The following IFT80 variants were observed in gnomAD, a reference collection of about 807,000 sequenced individuals.
The protein encoded by IFT80 is intraflagellar transport 80, also known as intraflagellar transport protein 80 homolog.
In IFT80, 79 loss-of-function variants were observed where a neutral mutation model predicts 107.9. The ratio of observed to expected loss-of-function variants is 0.73; its 90% CI spans 0.61 to 0.88. The LOEUF (loss-of-function observed/expected upper bound fraction) is 0.88. IFT80 is among the 40% of genes least tolerant of loss of function. The probability of loss-of-function intolerance (pLI) is 0.00; values close to 1 mark genes in which losing one functional copy is unlikely to be tolerated. For missense variants in IFT80, 797 were observed against 914.2 expected (o/e 0.87, Z 1.65); for synonymous variants, 299 against 300.9 (o/e 0.99, Z 0.07).
At position 160,314,115 on chromosome 3, in the gene IFT80, A is replaced by G. The variant is rs144132861; in HGVS notation, c.957+5645T>C. ...TATAATCATAATCATAGCAATAGCT[A>G]TCATTTTTGTTTTACATATATTATC... is the stretch of plus-strand genomic sequence containing the variant. On this transcript the variant is annotated intron_variant, in intron 9 of 19. Transcript: ENST00000326448. 2.6e-5 allele frequency among the ~76,000 whole-genome samples: 4 copies of G among 152,298 alleles called. No homozygotes were observed. The East Asian group carries it at 7.7e-4, about 29-fold the overall frequency.
At chr3:160,344,181 G>A (rs1472067128) in intron 8 of IFT80, among the ~76,000 whole-genome samples, 2 of 151,996 alleles carry the variant, frequency 1.3e-5, no homozygotes, top group South Asian at 2.1e-4. Flanking sequence ...CATTTCTGGG[G>A]GTATGTACCC....
At chr3:160,374,869 C>G (rs1202312435) in intron 5 of IFT80, among the ~76,000 whole-genome samples, 1 of 152,162 alleles carries the variant, frequency 6.6e-6, no homozygotes, top group Non-Finnish European at 1.5e-5. Flanking sequence ...ATTTTCTACT[C>G]ATGAATAAAT....
chr3:160,264,599 C>CTT (rs567273435), intron 19 of IFT80, among the ~76,000 whole-genome samples: 4 of 125,274 alleles, frequency 3.2e-5, no homozygotes, highest in Non-Finnish European at 5.1e-5. Flanking sequence ...GTCCAGCTAA[C>CTT]TTTTTTTTTT....
At chr3:160,299,033 A>C in intron 12 of IFT80, 2 of 726,936 alleles carry the variant, frequency 2.8e-6, no homozygotes, top group Non-Finnish European at 3.4e-6. Context: ...GCTTTTATCT[A>C]AAATATGTGG....
chr3:160,273,763 G>GTA (rs958011798), intron 18 of IFT80, among the ~76,000 whole-genome samples: 7 of 152,140 alleles, frequency 4.6e-5, no homozygotes, highest in African/African-American at 1.7e-4. Context: ...AGTCTTAAGT[G>GTA]TATAGATAGT....
chr3:160,338,284 T>C (rs569139365), intron 8 of IFT80, among the ~76,000 whole-genome samples: 15 of 152,258 alleles, frequency 9.9e-5, no homozygotes, highest in African/African-American at 3.6e-4. Flanking sequence ...CTTTCCCCCA[T>C]TGGCCTGGCA....
intron 12 of IFT80, among the ~76,000 whole-genome samples, chr3:160,294,043 A>T (rs971007236): frequency 6.6e-6 from 1 of 152,144 alleles, no homozygotes; most frequent in Non-Finnish European, 1.5e-5. Context: ...TCATAAATAC[A>T]GTGCTTTCCT....
intron 6 of IFT80, among the ~76,000 whole-genome samples, chr3:160,365,264 A>T (rs146285367): frequency 4.9e-4 from 75 of 152,210 alleles, no homozygotes; most frequent in Non-Finnish European, 7.4e-4. Context: ...TTCCTAGCAG[A>T]GTGTTCTGCA....
chr3:160,297,296 A>C (rs1716059297), intron 12 of IFT80, among the ~76,000 whole-genome samples: 1 of 152,158 alleles, frequency 6.6e-6, no homozygotes, highest in Non-Finnish European at 1.5e-5. Context: ...GATTCTCTTT[A>C]AGTAATTCTC....
chr3:160,393,053 C>A (rs762249993), intron 1 of IFT80, among the ~76,000 whole-genome samples: 24 of 152,224 alleles, frequency 1.6e-4, no homozygotes, highest in Non-Finnish European at 3.4e-4. Flanking sequence ...GCCTGGCCAA[C>A]AGAGTGAGAC....
intron 8 of IFT80, among the ~76,000 whole-genome samples, chr3:160,321,170 A>G (rs1049675568): frequency 6.6e-6 from 1 of 152,008 alleles, no homozygotes; most frequent in Non-Finnish European, 1.5e-5. Flanking sequence ...AAAAAAATAC[A>G]TATAATATTT....
chr3:160,384,746 G>T, intron 1 of IFT80, 100 bp from the exon 2 acceptor site: 1 of 822,580 alleles, frequency 1.2e-6, no homozygotes, highest in Non-Finnish European at 1.9e-6. Flanking sequence ...ACCCCAACGA[G>T]CACCTTCAGT....
chr3:160,319,977 A>G (rs1260496720), intron 8 of IFT80, 38 bp from the exon 9 acceptor site: 2 of 1,564,644 alleles, frequency 1.3e-6, no homozygotes, highest in Non-Finnish European at 1.7e-6. Context: ...GGACTTACTG[A>G]AAAAAAATTT....
chr3:160,305,071 G>A lies in IFT80; in HGVS notation c.1077-1082C>T, dbSNP rs565986448. On this transcript the variant is annotated intron_variant, in intron 10 of 19. Coordinates refer to ENST00000326448, the MANE Select transcript of IFT80 (RefSeq NM_020800.3). ...TATAGGGTAACATGAATCAAAGATC[G>A]GGGTGGGTAAAGAGAACATTTACAA... 3.3e-5 allele frequency among the ~76,000 whole-genome samples: 5 copies of A among 152,194 alleles called. No individual in the cohort carries two copies. In the East Asian group the frequency reaches 7.7e-4, roughly 23 times the overall value.
At chr3:160,388,585 T>C (rs1375594221) in intron 1 of IFT80, among the ~76,000 whole-genome samples, 3 of 148,630 alleles carry the variant, frequency 2.0e-5, no homozygotes, top group Non-Finnish European at 4.5e-5. Context: ...ATATGTAACA[T>C]ATAAGTATAT....
intron 8 of IFT80, among the ~76,000 whole-genome samples, chr3:160,338,565 G>A (rs974189635): frequency 6.6e-6 from 1 of 151,796 alleles, no homozygotes; most frequent in Admixed American, 6.6e-5. Context: ...CTGAGAGGCT[G>A]AGGCTACAGT....
intron 1 of IFT80, among the ~76,000 whole-genome samples, chr3:160,385,749 T>C (rs957690697): frequency 6.6e-6 from 1 of 152,228 alleles, no homozygotes; most frequent in Non-Finnish European, 1.5e-5. Context: ...TTTTTTGGTC[T>C]TTAGGAGTTC....
intron 1 of IFT80, among the ~76,000 whole-genome samples, chr3:160,387,528 G>A (rs534461929): frequency 6.6e-6 from 1 of 152,124 alleles, no homozygotes; most frequent in South Asian, 2.1e-4. Context: ...AAAAACAGTA[G>A]TAAAAAATGA....
At chr3:160,386,278 G>GT (rs1712924601) in intron 1 of IFT80, among the ~76,000 whole-genome samples, 1 of 152,302 alleles carries the variant, frequency 6.6e-6, no homozygotes, top group East Asian at 1.9e-4. Flanking sequence ...GTACTTTCAT[G>GT]TGGGATTGAA....
Sources: gnomAD v4.1 joint callset for allele counts (sites outside exome capture counted in the v4.1 genomes callset) on GRCh38, gnomAD v4.1.1 for gene constraint, MANE v1.5 for transcripts, NCBI Gene and HGNC (gene_info 2026-07-23, HGNC 2026-07-21) for gene names.